KCNMA1: variants seen among roughly 807,000 people sequenced by gnomAD.
KCNMA1 encodes Calcium-activated potassium channel subunit alpha-1.
Under a neutral mutation model 140.0 loss-of-function variants are expected in KCNMA1, and 29 were observed. That is an observed-to-expected ratio of 0.21 (90% CI 0.15 to 0.28). KCNMA1 has a LOEUF of 0.28. Ranked by LOEUF, KCNMA1 falls within the 10% of genes least tolerant of loss-of-function variation. KCNMA1 has a pLI of 1.00. For missense variants in KCNMA1, 880 were observed against 1,602.2 expected (o/e 0.55, Z 7.70); for synonymous variants, 612 against 611.9 (o/e 1.00, Z 0.00).
At chr10:77,128,393 AT>A (rs11298052) in intron 5 of KCNMA1, among the ~76,000 whole-genome samples, 57,674 of 125,812 alleles carry the variant, frequency 0.46, 13,038 homozygotes, top group Non-Finnish European at 0.49. Context: ...CATATAGATA[AT>A]TTTTTTTTTT....
rs538825217 is a variant in KCNMA1, at chr10:77,209,544, C to T, written c.603-24628G>A. ...TCCAAGGGAGAATCATAAATTTGAACCTTAACATGGACTCTGTTCTCCACA... is the reference window on the plus strand; with the variant it reads ...TCCAAGGGAGAATCATAAATTTGAATCTTAACATGGACTCTGTTCTCCACA... On this transcript the variant is annotated intron_variant, in intron 3 of 27. Coordinates refer to ENST00000286628, the MANE Select transcript of KCNMA1 (RefSeq NM_001161352.2). Among the ~76,000 whole-genome samples, 4 of 152,234 alleles carry T rather than the reference C, an allele frequency of 2.6e-5. 1 individual carries two copies. In the South Asian group the frequency reaches 8.3e-4, roughly 32 times the overall value.
chr10:77,438,134 T>C (rs1044798528), intron 1 of KCNMA1, among the ~76,000 whole-genome samples: 9 of 152,276 alleles, frequency 5.9e-5, no homozygotes, highest in African/African-American at 2.2e-4. Context: ...CATAGCTCAC[T>C]ACAGCTTTAG....
intron 2 of KCNMA1, among the ~76,000 whole-genome samples, chr10:77,256,535 C>T (rs183007511): frequency 4.1e-4 from 63 of 152,262 alleles, no homozygotes; most frequent in South Asian, 2.1e-3. Flanking sequence ...CTACAAATGT[C>T]GCCTTAACAA....
At chr10:77,495,684 G>T (rs2041644625) in intron 1 of KCNMA1, among the ~76,000 whole-genome samples, 1 of 152,182 alleles carries the variant, frequency 6.6e-6, no homozygotes, top group African/African-American at 2.4e-5. Context: ...CATGGAGCTG[G>T]CGTGTACACA....
chr10:77,023,147 G>A lies in KCNMA1; in HGVS notation c.1929-4048C>T, dbSNP rs551943195. Among the ~76,000 whole-genome samples, 12 of 152,296 alleles carry A rather than the reference G, an allele frequency of 7.9e-5. No individual in the cohort carries two copies. The South Asian group carries it at 2.5e-3, about 32-fold the overall frequency. On this transcript the variant is annotated intron_variant, in intron 16 of 27. Coordinates refer to ENST00000286628, the MANE Select transcript of KCNMA1 (RefSeq NM_001161352.2). The stretch of plus-strand genomic sequence containing the variant: ...GTATCTCTCGCTAAACACTGGTCAG[G>A]TTGGAAGACTGCAGCTTGATGGAGG...
In KCNMA1 at chr10:77,427,732, T is replaced by G. The variant is rs958716512; in HGVS notation, c.379-23709A>C. Reference sequence around the variant, plus strand: ...GCATCCATCCATTCATTTATTTATTTATTTATTTATTTATTTATTTATTTA... The same window carrying G: ...GCATCCATCCATTCATTTATTTATTGATTTATTTATTTATTTATTTATTTA... On this transcript the variant is annotated intron_variant, in intron 1 of 27. Transcript: ENST00000286628. Among the ~76,000 whole-genome samples, 8 of 146,490 alleles carry G rather than the reference T, an allele frequency of 5.5e-5. No individual in the cohort carries two copies. The East Asian group carries it at 1.2e-3, about 22-fold the overall frequency.
chr10:76,928,424 G>A (rs926854437), intron 23 of KCNMA1, among the ~76,000 whole-genome samples: 2 of 151,936 alleles, frequency 1.3e-5, no homozygotes, highest in South Asian at 2.1e-4. Flanking sequence ...CTCAGACCCC[G>A]CCCCCAACAC....
At chr10:77,588,779 TG>T (rs1332074380) in intron 1 of KCNMA1, among the ~76,000 whole-genome samples, 1 of 152,232 alleles carries the variant, frequency 6.6e-6, no homozygotes, top group Non-Finnish European at 1.5e-5. Context: ...AGAACAGCCA[TG>T]TGGCTGGCGC....
chr10:77,629,065 G>A (rs1260196116), intron 1 of KCNMA1, among the ~76,000 whole-genome samples: 1 of 152,194 alleles, frequency 6.6e-6, no homozygotes, highest in Non-Finnish European at 1.5e-5. Context: ...TTGGCCACGT[G>A]AAGAAGTATT....
chr10:76,974,427 G>A, intron 19 of KCNMA1: 2 of 988,350 alleles, frequency 2.0e-6, no homozygotes, highest in South Asian at 1.4e-5. Flanking sequence ...TGGTAAAGTA[G>A]AATGTTGAGG....
Position 77,173,699 on chromosome 10 carries a change from C to A in KCNMA1, c.808+9722G>T, listed in dbSNP as rs959276934. Among the ~76,000 whole-genome samples, 3 of 152,078 alleles carry A rather than the reference C, an allele frequency of 2.0e-5. 1 individual carries two copies. The highest frequency in any genetic ancestry group is 1.3e-4 in the Admixed American group (2 of 15,258). The stretch of plus-strand genomic sequence containing the variant: ...TTTCACTATTCTTATTCTAAAGAAA[C>A]CCACAGACTACAGACAGCAGTTTAC... On this transcript the variant is annotated intron_variant, in intron 5 of 27. Transcript: ENST00000286628.
At chr10:77,044,731 T>C (rs185045028) in intron 14 of KCNMA1, among the ~76,000 whole-genome samples, 33 of 152,296 alleles carry the variant, frequency 2.2e-4, no homozygotes, top group East Asian at 2.1e-3. Context: ...AAGGGAGTTA[T>C]TGTCATTATG....
intron 1 of KCNMA1, among the ~76,000 whole-genome samples, chr10:77,437,914 T>C (rs907665777): frequency 6.6e-6 from 1 of 152,114 alleles, no homozygotes; most frequent in Non-Finnish European, 1.5e-5. Flanking sequence ...CAGAACTGAA[T>C]GGGCCATCAG....
At chr10:77,361,650 C>T (rs961440158) in intron 2 of KCNMA1, among the ~76,000 whole-genome samples, 10 of 152,248 alleles carry the variant, frequency 6.6e-5, no homozygotes, top group East Asian at 1.9e-4. Context: ...AAGGAGCAGG[C>T]GAGTGCAGGA....
At position 77,416,199 on chromosome 10, in the gene KCNMA1, G is replaced by A. The variant is rs181482352; in HGVS notation, c.379-12176C>T. ...GGCTTTCAGACTTCAGGGGCCCAGG[G>A]TGTGTCTGTCACACTAGCCAGAGGC... On this transcript the variant is annotated intron_variant, in intron 1 of 27. Coordinates refer to ENST00000286628, the MANE Select transcript of KCNMA1 (RefSeq NM_001161352.2). Among the ~76,000 whole-genome samples the A allele has an allele frequency of 3.9e-3, 597 of 152,194 alleles. 3 individuals are homozygous for A. Among genetic ancestry groups the A allele is most frequent in the African/African-American group, 0.014 (577 of 41,538 alleles).
intron 3 of KCNMA1, among the ~76,000 whole-genome samples, chr10:77,210,269 A>C (rs2045623565): frequency 6.6e-6 from 1 of 152,256 alleles, no homozygotes; most frequent in African/African-American, 2.4e-5. Context: ...GTATATGCAA[A>C]TCAATAAATG....
chr10:77,425,069 A>C (rs1346023816), intron 1 of KCNMA1, among the ~76,000 whole-genome samples: 1 of 151,802 alleles, frequency 6.6e-6, no homozygotes, highest in Non-Finnish European at 1.5e-5. Flanking sequence ...GGGTGGATGG[A>C]TGGGTGGATG....
chr10:76,873,704 T>G (rs1002000046), downstream of KCNMA1: 4 of 152,224 alleles, frequency 2.6e-5, no homozygotes, highest in Admixed American at 6.5e-5. Context: ...GGCTCACATC[T>G]CAGTCAATTG....
chr10:77,106,491 A>T (rs1281176550), intron 9 of KCNMA1, among the ~76,000 whole-genome samples: 2 of 152,014 alleles, frequency 1.3e-5, no homozygotes, highest in African/African-American at 4.8e-5. Flanking sequence ...GCCGGCCTCC[A>T]GCCCACCCAC....
Sources: allele counts gnomAD v4.1 joint callset (sites outside exome capture counted in the v4.1 genomes callset), GRCh38; gene constraint gnomAD v4.1.1; transcripts MANE v1.5; gene names NCBI Gene and HGNC (gene_info 2026-07-23, HGNC 2026-07-21).